Variants in OTOG observed in about 807,000 individuals in gnomAD.
OTOG encodes otogelin.
A neutral mutation model predicts 313.8 loss-of-function variants in OTOG; 296 were observed. The observed-to-expected ratio is 0.94, with a 90% CI of 0.86 to 1.04. The LOEUF is 1.04. Among genes scored for constraint, OTOG ranks in the 50% least tolerant of loss-of-function variants. The pLI is 0.00. For missense variants in OTOG, 3,948 were observed against 3,840.1 expected (o/e 1.03, Z -0.74); for synonymous variants, 1,533 against 1,554.9 (o/e 0.99, Z 0.33).
At chr11:17,572,338 C>T in intron 18 of OTOG, 134 bp downstream of exon 18, 7 of 1,285,648 alleles carry the variant, frequency 5.4e-6, no homozygotes, top group Non-Finnish European at 7.3e-6. Flanking sequence ...GGAGGAGCAG[C>T]AGGGAGGGGA....
chr11:17,558,978 G>A, intron 10 of OTOG, 74 bp from the exon 11 acceptor site: 5 of 1,193,580 alleles, frequency 4.2e-6, no homozygotes, highest in Non-Finnish European at 3.6e-6. Flanking sequence ...AGCCCTGGCA[G>A]TGTCTATGGG....
chr11:17,574,777 C>A lies in OTOG; in HGVS notation c.2351C>A (p.Thr784Asn). The stretch of plus-strand genomic sequence containing the variant: ...CCCTGCGTGGCCCCGTGTGGACGTA[C>A]CTGCCAGGACCTGGCCAGCCCTGAG... Reference protein sequence around the residue: ...YSPCVAPCGRTCQDLASPEAC... With the variant: ...YSPCVAPCGRNCQDLASPEAC... Residue 784 changes from threonine to asparagine, a missense_variant, in exon 20 of 56, where the codon ACC becomes AAC. Thr to Asn is a moderately conservative substitution (Grantham distance 65). Transcript: ENST00000399397. The A allele has an allele frequency of 6.4e-7, 1 of 1,550,728 alleles. No individual in the cohort carries two copies. The highest frequency in any genetic ancestry group is 8.7e-7 in the Non-Finnish European group (1 of 1,147,004).
Position 17,609,702 on chromosome 11 carries a change from ACCCT to A in OTOG, c.4410_4413del (p.Pro1471ValfsTer38). The A allele has an allele frequency of 6.6e-7, 1 of 1,522,666 alleles. No homozygotes were observed. The allele number at this position is 1,522,666 out of a possible 1,614,324, so 94.3% of individuals were successfully genotyped here. Reference sequence around the variant, plus strand: ...TCCCACAGAGGCCCTTGGCAATGAGACCCTCCCTCCCAGTCAAGGGTTGCCCACT... The same window carrying A: ...TCCCACAGAGGCCCTTGGCAATGAGACCCTCCCAGTCAAGGGTTGCCCACT... On this transcript the variant is annotated frameshift_variant, in exon 36 of 56. Transcript: ENST00000399397. LOFTEE classifies it high-confidence loss of function.
chr11:17,591,326 T>G, intron 24 of OTOG, 124 bp from the exon 25 acceptor site: 1 of 1,302,302 alleles, frequency 7.7e-7, no homozygotes, highest in Non-Finnish European at 1.0e-6. Context: ...TAGAGGTTGG[T>G]GTTTGTTGAC....
chr11:17,563,238 A>C (rs927859930), intron 15 of OTOG, among the ~76,000 whole-genome samples: 6 of 152,226 alleles, frequency 3.9e-5, no homozygotes, highest in Non-Finnish European at 7.3e-5. Context: ...TGGAAGCCCC[A>C]GTCTGGGCTG....
At chr11:17,602,511 TGA>T in intron 32 of OTOG, 134 bp downstream of exon 32, 1 of 1,048,912 alleles carries the variant, frequency 9.5e-7, no homozygotes, top group Non-Finnish European at 1.3e-6. Context: ...CTCTCCCAGT[TGA>T]GATGGTGCTT....
At chr11:17,571,266 T>C (rs1220462878) in intron 17 of OTOG, among the ~76,000 whole-genome samples, 3 of 152,268 alleles carry the variant, frequency 2.0e-5, no homozygotes, top group Middle Eastern at 3.4e-3. Flanking sequence ...GAGACCTTGG[T>C]TTAGTGTGTA....
At chr11:17,613,562 G>C (rs1441073271) in intron 38 of OTOG, 50 bp from the exon 39 acceptor site, 5 of 1,462,410 alleles carry the variant, frequency 3.4e-6, no homozygotes, top group Non-Finnish European at 3.7e-6. Context: ...CACTTGGAGG[G>C]GGACAGAGGA....
intron 36 of OTOG, among the ~76,000 whole-genome samples, chr11:17,611,814 CTGTGTGTGTGTGTGTG>C (rs3073108): frequency 6.6e-6 from 1 of 150,762 alleles, no homozygotes; most frequent in Non-Finnish European, 1.5e-5. Context: ...TTGTGAGAAA[CTGTGTGTGTGTGTGTG>C]TGTGTTTGTG....
chr11:17,602,526 G>A (rs1853280983), intron 32 of OTOG, 149 bp downstream of exon 32: 1 of 982,882 alleles, frequency 1.0e-6, no homozygotes, highest in Admixed American at 2.9e-5. Context: ...TGGTGCTTCT[G>A]GGTCAGCTTC....
At chr11:17,644,150 T>A (rs1038499413) in intron 54 of OTOG, among the ~76,000 whole-genome samples, 2 of 152,226 alleles carry the variant, frequency 1.3e-5, no homozygotes, top group Admixed American at 1.3e-4. Context: ...GTGAGCTGTA[T>A]CCCCTGGGCT....
chr11:17,554,079 A>G (rs1347627430), intron 6 of OTOG, among the ~76,000 whole-genome samples: 2 of 152,116 alleles, frequency 1.3e-5, no homozygotes, highest in Non-Finnish European at 2.9e-5. Context: ...CAGACTTGAG[A>G]ACATTCTGGG....
At position 17,570,289 on chromosome 11, in the gene OTOG, C is replaced by A; in HGVS notation, c.1854C>A (p.Asp618Glu). The change falls in exon 17 of 56, where the codon GAC (aspartate) becomes GAA (glutamate). Residue 618 changes from aspartate to glutamate, a missense_variant. By Grantham distance (45) the Asp-to-Glu change is conservative. Transcript: ENST00000399397. ...RTNVGVRVLY[D>E]REGLRLYLQV... ...ACGTGGGCGTGCGGGTGCTCTACGACCGTGAAGGGCTCCGACTGTACCTGC... is the reference window on the plus strand; with the variant it reads ...ACGTGGGCGTGCGGGTGCTCTACGAACGTGAAGGGCTCCGACTGTACCTGC... 6.4e-7 allele frequency: 1 copy of A among 1,550,802 alleles called. No homozygotes were observed. Among genetic ancestry groups the A allele is most frequent in the Non-Finnish European group, 8.7e-7 (1 of 1,147,022 alleles).
At chr11:17,594,018 A>G in intron 27 of OTOG, 29 bp from the exon 28 acceptor site, 18 of 1,550,474 alleles carry the variant, frequency 1.2e-5, no homozygotes, top group Non-Finnish European at 1.5e-5. Flanking sequence ...CAGGCCTGCA[A>G]CTGACCATGG....
At position 17,591,436 on chromosome 11, in the gene OTOG, C is replaced by A; in HGVS notation, c.2868-14C>A. ...GGTGTGCCCTGTGATCTGGTCTGGG[C>A]ATGTGTTTTTCAGTGTGTGCCAGCG... On this transcript the variant is annotated splice_polypyrimidine_tract_variant and intron_variant, in intron 24 of 55. Coordinates refer to ENST00000399397, the MANE Select transcript of OTOG (RefSeq NM_001292063.2). The A allele has an allele frequency of 6.4e-7, 1 of 1,550,604 alleles. No homozygotes were observed. The highest frequency in any genetic ancestry group is 8.7e-7 in the Non-Finnish European group (1 of 1,146,954).
chr11:17,596,353 A>G (rs1419878372), intron 29 of OTOG, among the ~76,000 whole-genome samples, 199 bp downstream of exon 29: 1 of 152,236 alleles, frequency 6.6e-6, no homozygotes, highest in Non-Finnish European at 1.5e-5. Flanking sequence ...GACAGCCAGG[A>G]AAACAGAGCT....
chr11:17,551,600 C>T (rs1447559916), intron 3 of OTOG, among the ~76,000 whole-genome samples: 2 of 152,052 alleles, frequency 1.3e-5, no homozygotes, highest in Non-Finnish European at 2.9e-5. Context: ...GCCTTTGTTC[C>T]TTAGCTCTGC....
At chr11:17,568,016 T>A (rs1450229787) in intron 15 of OTOG, among the ~76,000 whole-genome samples, 1 of 152,116 alleles carries the variant, frequency 6.6e-6, no homozygotes, top group Non-Finnish European at 1.5e-5. Flanking sequence ...CACGCCATTC[T>A]CCTGCCTCAG....
At chr11:17,615,820 C>T (rs1021880700) in intron 39 of OTOG, among the ~76,000 whole-genome samples, 2 of 152,000 alleles carry the variant, frequency 1.3e-5, no homozygotes, top group Non-Finnish European at 2.9e-5. Flanking sequence ...CCCAGCTACT[C>T]GGGAGGCTGA....
Sources: allele counts gnomAD v4.1 joint callset (sites outside exome capture counted in the v4.1 genomes callset), GRCh38; gene constraint gnomAD v4.1.1; transcripts MANE v1.5; gene names NCBI Gene and HGNC (gene_info 2026-07-23, HGNC 2026-07-21).